PARP4: variants seen among roughly 807,000 people sequenced by gnomAD.
PARP4 encodes protein mono-ADP-ribosyltransferase PARP4.
PARP4 carries 120 observed loss-of-function variants against 187.7 expected under a neutral mutation model. The ratio of observed to expected loss-of-function variants is 0.64; its 90% CI spans 0.55 to 0.74. The LOEUF (loss-of-function observed/expected upper bound fraction) is 0.74. PARP4 is among the 30% of genes least tolerant of loss of function. The probability of loss-of-function intolerance (pLI) is 0.00; values close to 1 mark genes in which losing one functional copy is unlikely to be tolerated. For synonymous variants in PARP4, 654 were observed against 740.9 expected (o/e 0.88, Z 1.90); for missense variants, 1,836 against 2,070.5 (o/e 0.89, Z 2.20).
intron 17 of PARP4, among the ~76,000 whole-genome samples, chr13:24,466,796 C>CAAAAAAAAAA (rs34197201): frequency 0.012 from 1,059 of 90,616 alleles, 12 homozygotes; most frequent in Non-Finnish European, 0.017. Context: ...GACTCTGTCT[C>CAAAAAAAAAA]AAAAAAAAAA....
At chr13:24,480,601 C>T (rs1873224378) in intron 12 of PARP4, among the ~76,000 whole-genome samples, 1 of 152,180 alleles carries the variant, frequency 6.6e-6, no homozygotes, top group Non-Finnish European at 1.5e-5. Flanking sequence ...GCAAAACAGC[C>T]TTATTGCTGA....
At chr13:24,433,962 T>G (rs1273556837) in intron 31 of PARP4, among the ~76,000 whole-genome samples, 1 of 152,302 alleles carries the variant, frequency 6.6e-6, no homozygotes, top group South Asian at 2.1e-4. Flanking sequence ...ATAATATCTG[T>G]ATTCCCATGA....
intron 13 of PARP4, 44 bp from the exon 14 acceptor site, chr13:24,477,901 C>T (rs750724976): frequency 1.4e-6 from 2 of 1,418,142 alleles, no homozygotes; most frequent in South Asian, 2.7e-5. Context: ...ACAGAAGCAA[C>T]AAAAAACCTG....
intron 1 of PARP4, among the ~76,000 whole-genome samples, chr13:24,511,823 A>C (rs1870033828): frequency 6.6e-6 from 1 of 152,178 alleles, no homozygotes; most frequent in Admixed American, 6.5e-5. Flanking sequence ...TTCTGACACT[A>C]TTTGCATTTT....
At chr13:24,474,456 C>T (rs1200750372) in intron 15 of PARP4, among the ~76,000 whole-genome samples, 1 of 144,384 alleles carries the variant, frequency 6.9e-6, no homozygotes, top group Non-Finnish European at 1.5e-5. Context: ...GTTCTGACCC[C>T]TCCCCGGAGC....
At chr13:24,504,666 C>T (rs1474482579) in intron 1 of PARP4, among the ~76,000 whole-genome samples, 2 of 151,806 alleles carry the variant, frequency 1.3e-5, no homozygotes, top group African/African-American at 4.8e-5. Context: ...TAAATTAATA[C>T]ATGGTGAAAA....
chr13:24,487,992 C>T (rs187554231), intron 10 of PARP4, among the ~76,000 whole-genome samples: 2 of 152,262 alleles, frequency 1.3e-5, no homozygotes, highest in African/African-American at 4.8e-5. Flanking sequence ...AGTTTTATAA[C>T]TAGAAAAAAG....
At chr13:24,459,424 C>T (rs1872068962) in intron 18 of PARP4, 114 bp from the exon 19 acceptor site, 1 of 1,001,694 alleles carries the variant, frequency 1.0e-6, no homozygotes, top group Non-Finnish European at 1.4e-6. Context: ...GCTGGTTTCA[C>T]TTTCAAGCAG....
chr13:24,447,413 T>G (rs1871270342), intron 25 of PARP4, among the ~76,000 whole-genome samples: 1 of 152,234 alleles, frequency 6.6e-6, no homozygotes, highest in Non-Finnish European at 1.5e-5. Flanking sequence ...CAGGCGGGAG[T>G]GCAGTGGCAC....
chr13:24,506,359 G>C (rs1339313881), intron 1 of PARP4, among the ~76,000 whole-genome samples: 3 of 152,262 alleles, frequency 2.0e-5, no homozygotes, highest in East Asian at 3.9e-4. Context: ...AAAATTTACT[G>C]CAAGGAGTGA....
At chr13:24,505,698 T>C (rs913688570) in intron 1 of PARP4, among the ~76,000 whole-genome samples, 2 of 152,208 alleles carry the variant, frequency 1.3e-5, no homozygotes, top group East Asian at 3.9e-4. Flanking sequence ...CCGGCTAATA[T>C]TTTTCATTTT....
rs762560007 is a variant in PARP4, at chr13:24,477,754, T to A, written c.1736A>T (p.His579Leu). The A allele has an allele frequency of 2.5e-6, 4 of 1,592,040 alleles. No individual in the cohort carries two copies. Among genetic ancestry groups the A allele is most frequent in the Non-Finnish European group, 3.4e-6 (4 of 1,166,452 alleles). Residue 579 changes from histidine to leucine, a missense_variant, in exon 14 of 34, where the codon CAT (histidine) becomes CTT (leucine). His to Leu is a moderately conservative substitution (Grantham distance 99). Coordinates refer to ENST00000381989, the MANE Select transcript of PARP4 (RefSeq NM_006437.4). ...AGGTCTGTATTCCTCTAATTCAGTA[T>A]GATCACTAGGATGAAAGTCCTTTAT... ...DQIKDFHPSD[H>L]TELEEYRPEF... is the part of the protein sequence containing the mutation.
chr13:24,465,616 G>A (rs1308359504), intron 17 of PARP4, among the ~76,000 whole-genome samples: 1 of 152,198 alleles, frequency 6.6e-6, no homozygotes, highest in Non-Finnish European at 1.5e-5. Flanking sequence ...ACTGGGGCCT[G>A]TAGCGGAGGC....
chr13:24,458,856 A>T (rs1872031126), intron 20 of PARP4, among the ~76,000 whole-genome samples, 188 bp downstream of exon 20: 1 of 152,254 alleles, frequency 6.6e-6, no homozygotes, highest in Non-Finnish European at 1.5e-5. Context: ...TCAAAGAAAC[A>T]GCTCAAATAG....
chr13:24,456,761 G>A (rs1313864998), intron 20 of PARP4, among the ~76,000 whole-genome samples: 2 of 151,950 alleles, frequency 1.3e-5, no homozygotes, highest in Non-Finnish European at 2.9e-5. Context: ...TTAGCTGGGC[G>A]TAATGGTGGG....
intron 15 of PARP4, among the ~76,000 whole-genome samples, chr13:24,474,173 G>A (rs1271927796): frequency 1.3e-5 from 2 of 152,026 alleles, no homozygotes; most frequent in East Asian, 3.9e-4. Flanking sequence ...TGTCTTCCTG[G>A]GCCGCTGTCT....
Position 24,501,795 on chromosome 13 carries a change from G to A in PARP4, c.172C>T (p.Gln58Ter). Residue 58 changes from glutamine (Q) to a stop codon, truncating the protein, a stop_gained, in exon 3 of 34, where the codon CAG becomes TAG. Transcript: ENST00000381989. LOFTEE classifies it high-confidence loss of function. ...TTTTGGATAGAATTCAGTTGGTACT[G>A]ACTCAGAACATCAGCATTATCTAAG... is the stretch of plus-strand genomic sequence containing the variant. ...IILDNADVLS[Q>*]YQLNSIQKNH... is the part of the protein sequence containing the mutation. The A allele has an allele frequency of 6.2e-7, 1 of 1,612,478 alleles. No individual in the cohort carries two copies. The highest frequency in any genetic ancestry group is 8.5e-7 in the Non-Finnish European group (1 of 1,178,604).
intron 5 of PARP4, among the ~76,000 whole-genome samples, chr13:24,498,751 GAAAA>G (rs5802285): frequency 1.4e-5 from 2 of 147,816 alleles, no homozygotes; most frequent in African/African-American, 5.0e-5. Context: ...CATTTGTGGG[GAAAA>G]AAAAAAAGGA....
intron 10 of PARP4, among the ~76,000 whole-genome samples, chr13:24,489,790 C>G (rs1868531864): frequency 6.6e-6 from 1 of 152,058 alleles, no homozygotes; most frequent in African/African-American, 2.4e-5. Flanking sequence ...TCTGGAAAAC[C>G]AGCTCTCTAA....
Sources: gnomAD v4.1 joint callset for allele counts (sites outside exome capture counted in the v4.1 genomes callset) on GRCh38, gnomAD v4.1.1 for gene constraint, MANE v1.5 for transcripts, NCBI Gene and HGNC (gene_info 2026-07-23, HGNC 2026-07-21) for gene names.